Variants in OTUD7B observed in about 807,000 individuals in gnomAD.
OTUD7B encodes OTU deubiquitinase 7B.
A neutral mutation model predicts 82.2 loss-of-function variants in OTUD7B; 34 were observed. The observed-to-expected ratio is 0.41, with a 90% confidence interval of 0.31 to 0.55. OTUD7B has a LOEUF of 0.55. OTUD7B is among the 20% of genes least tolerant of loss of function. The pLI is 0.20. For synonymous variants in OTUD7B, 398 were observed against 402.7 expected (o/e 0.99, Z 0.14); for missense variants, 944 against 1,062.1 (o/e 0.89, Z 1.55).
In OTUD7B at chr1:149,944,001, G is replaced by T. The variant is rs782407521; in HGVS notation, c.2388C>A (p.Pro796=). The change falls in exon 12 of 12, where the codon CCC becomes CCA. Residue 796 remains proline (P), a synonymous_variant. Transcript: ENST00000581312. The part of the protein sequence containing the change: ...DGWAGGLRGL[P]PTQTKCKQPN... The stretch of plus-strand genomic sequence containing the variant: ...GTTGTTTGCATTTGGTCTGAGTTGG[G>T]GGAAGGCCCCGGAGACCTCCAGCCC... 1.2e-6 allele frequency: 2 copies of T among 1,614,218 alleles called. No individual in the cohort carries two copies. The highest frequency in any genetic ancestry group is 1.7e-6 in the Non-Finnish European group (2 of 1,180,028).
At chr1:150,048,658 AAG>A in the OTUD7B span, 1 of 151,860 alleles carries the variant, frequency 6.6e-6, no homozygotes, top group Non-Finnish European at 1.5e-5. Flanking sequence ...CAGCCTGGGG[AAG>A]AGAGTAAGAC....
the OTUD7B span, among the ~76,000 whole-genome samples, chr1:150,024,203 G>T: frequency 6.6e-6 from 1 of 152,182 alleles, no homozygotes; most frequent in Non-Finnish European, 1.5e-5. Context: ...AAGAGCCTGT[G>T]ATTTGTTTTA....
At chr1:149,972,413 C>T (rs1553777818) in intron 2 of OTUD7B, among the ~76,000 whole-genome samples, 1 of 152,124 alleles carries the variant, frequency 6.6e-6, no homozygotes, top group Non-Finnish European at 1.5e-5. Flanking sequence ...TAGGGCCTTT[C>T]CACTGACTAT....
Position 149,951,166 on chromosome 1 carries a change from G to A in OTUD7B, c.846-945C>T, listed in dbSNP as rs375101816. Among the ~76,000 whole-genome samples the A allele has an allele frequency of 2.6e-3, 398 of 151,850 alleles. 2 individuals carry two copies. The highest frequency in any genetic ancestry group is 9.1e-3 in the African/African-American group (375 of 41,434). On this transcript the variant is annotated intron_variant, in intron 7 of 11. Transcript: ENST00000581312. ...CCTGGCTAATTTTTTTGTATATTTA[G>A]TAGAGATGGGGTTTCACCGTGGTCT...
chr1:149,995,245 A>G (rs1651849396), intron 1 of OTUD7B, among the ~76,000 whole-genome samples: 1 of 152,118 alleles, frequency 6.6e-6, no homozygotes, highest in South Asian at 2.1e-4. Context: ...TGGATCCCCA[A>G]TACTAAATTG....
rs1350760443 is a variant in OTUD7B at position 149,938,901 on chromosome 1, C to T, written c.*4956G>A. The T allele has an allele frequency of 7.2e-6, 1 of 138,916 alleles. No homozygotes were observed. The highest frequency in any genetic ancestry group is 1.5e-5 in the Non-Finnish European group (1 of 66,060). The allele number at this position is 138,916 out of a possible 1,614,324, so 8.6% of individuals were successfully genotyped here. A position where few individuals can be genotyped will look rare whatever the true frequency, so the allele number is the denominator to read the frequency against. On this transcript the variant is annotated 3_prime_UTR_variant, in exon 12 of 12. Transcript: ENST00000581312. Reference sequence around the variant, plus strand: ...GAGCCGGGATCGCGCCATTGCACTCCATCCTGGGCGACAAGAGCGAAACTC... The same window carrying T: ...GAGCCGGGATCGCGCCATTGCACTCTATCCTGGGCGACAAGAGCGAAACTC...
intron 5 of OTUD7B, among the ~76,000 whole-genome samples, chr1:149,964,591 G>T (rs1351994654): frequency 1.3e-5 from 2 of 151,536 alleles, no homozygotes; most frequent in East Asian, 1.9e-4. Flanking sequence ...TTTTTTATGG[G>T]TTTTTTTGGT....
chr1:150,021,304 T>G, the OTUD7B span, among the ~76,000 whole-genome samples: 1 of 152,132 alleles, frequency 6.6e-6, no homozygotes, highest in Non-Finnish European at 1.5e-5. Context: ...GTAGGCCAGG[T>G]CTGGGCAGGG....
the OTUD7B span, among the ~76,000 whole-genome samples, chr1:150,018,599 A>C: frequency 5.3e-5 from 8 of 152,354 alleles, no homozygotes; most frequent in Admixed American, 5.2e-4. Flanking sequence ...GATGTATCTA[A>C]GCACCCACTA....
At chr1:149,974,903 A>G (rs1553778287) in intron 2 of OTUD7B, among the ~76,000 whole-genome samples, 1 of 150,484 alleles carries the variant, frequency 6.6e-6, no homozygotes, top group East Asian at 1.9e-4. Context: ...TATGTTGCCC[A>G]GGCTGGTCTC....
intron 1 of OTUD7B, among the ~76,000 whole-genome samples, chr1:150,003,477 G>C (rs1652442755): frequency 6.6e-6 from 1 of 152,120 alleles, no homozygotes; most frequent in Admixed American, 6.5e-5. Flanking sequence ...CAGCTCAAAT[G>C]CTAACTCCTC....
At chr1:150,030,515 T>C in the OTUD7B span, among the ~76,000 whole-genome samples, 2 of 152,230 alleles carry the variant, frequency 1.3e-5, no homozygotes, top group Admixed American at 1.3e-4. Context: ...TCCATTTCTC[T>C]TTCTCTCCTG....
chr1:149,989,736 T>TA (rs75348315), intron 1 of OTUD7B, among the ~76,000 whole-genome samples: 102,642 of 102,982 alleles, frequency 1, 51,152 homozygotes, highest in African/African-American at 1. Context: ...GAGACCCTGT[T>TA]AAAAAAAAAA....
rs1167560095 is a variant in OTUD7B, at chr1:150,010,265, C to T, written c.-67+183G>A. Among the ~76,000 whole-genome samples the T allele has an allele frequency of 2.6e-5, 4 of 151,880 alleles. No homozygotes were observed. The South Asian group carries it at 6.2e-4, about 24-fold the overall frequency. ...GCAGGTGAAAGGGAGGAGGAAAGATCGGGACGAAGCAAGGAGCAGTCAGGG... is the reference window on the plus strand; with the variant it reads ...GCAGGTGAAAGGGAGGAGGAAAGATTGGGACGAAGCAAGGAGCAGTCAGGG... On this transcript the variant is annotated intron_variant, in intron 1 of 11. Coordinates refer to ENST00000581312, the MANE Select transcript of OTUD7B (RefSeq NM_020205.4).
At chr1:150,049,150 T>C in the OTUD7B span, among the ~76,000 whole-genome samples, 4 of 152,176 alleles carry the variant, frequency 2.6e-5, no homozygotes, top group Admixed American at 6.5e-5. Context: ...CTTAGAGGTC[T>C]AGTAAACTTA....
At chr1:150,008,387 G>A (rs868930337) in intron 1 of OTUD7B, among the ~76,000 whole-genome samples, 8 of 152,104 alleles carry the variant, frequency 5.3e-5, no homozygotes, top group Non-Finnish European at 1.0e-4. Flanking sequence ...AAATTAAGTC[G>A]TTTTTTAAAT....
intron 3 of OTUD7B, among the ~76,000 whole-genome samples, chr1:149,969,078 C>T (rs1325511539): frequency 6.6e-6 from 1 of 152,038 alleles, no homozygotes; most frequent in African/African-American, 2.4e-5. Flanking sequence ...AATCCCAAAA[C>T]TTTGGGAAGC....
At chr1:150,058,281 CCAAT>C in the OTUD7B span, among the ~76,000 whole-genome samples, 1 of 152,088 alleles carries the variant, frequency 6.6e-6, no homozygotes, top group African/African-American at 2.4e-5. Context: ...CAAGGCGGGG[CCAAT>C]CACTTGAGTC....
the OTUD7B span, among the ~76,000 whole-genome samples, chr1:150,018,339 A>G: frequency 2.0e-5 from 3 of 152,190 alleles, no homozygotes. Flanking sequence ...ACTGGGCAGA[A>G]AGAGGTCCCA....
Sources: allele counts gnomAD v4.1 joint callset (sites outside exome capture counted in the v4.1 genomes callset), GRCh38; gene constraint gnomAD v4.1.1; transcripts MANE v1.5; gene names NCBI Gene and HGNC (gene_info 2026-07-23, HGNC 2026-07-21).